TNR: variants seen among roughly 807,000 people sequenced by gnomAD.
TNR encodes tenascin R.
TNR carries 45 observed loss-of-function variants against 150.4 expected under a neutral mutation model. The ratio of observed to expected loss-of-function variants is 0.30; its 90% CI spans 0.24 to 0.38. The LOEUF (loss-of-function observed/expected upper bound fraction) is 0.38. Ranked by LOEUF, TNR falls within the 10% of genes least tolerant of loss-of-function variation. TNR has a pLI of 1.00. For missense variants in TNR, 1,544 were observed against 1,759.1 expected (o/e 0.88, Z 2.19); for synonymous variants, 687 against 678.4 (o/e 1.01, Z -0.20).
At chr1:175,444,455 C>A (rs1017795244) in intron 2 of TNR, among the ~76,000 whole-genome samples, 3 of 152,292 alleles carry the variant, frequency 2.0e-5, no homozygotes, top group Non-Finnish European at 4.4e-5. Context: ...GCTGGCCCAC[C>A]ACTGGGTTCC....
At chr1:175,679,179 T>C (rs1187374774) in intron 1 of TNR, among the ~76,000 whole-genome samples, 1 of 152,240 alleles carries the variant, frequency 6.6e-6, no homozygotes, top group Non-Finnish European at 1.5e-5. Flanking sequence ...CTTTTTGCAA[T>C]CTTGCTTGGA....
intron 1 of TNR, among the ~76,000 whole-genome samples, chr1:175,629,483 A>C (rs2101871914): frequency 6.6e-6 from 1 of 152,152 alleles, no homozygotes; most frequent in East Asian, 1.9e-4. Context: ...TGCTGAGAAC[A>C]ATTTTTTTTT....
intron 2 of TNR, among the ~76,000 whole-genome samples, chr1:175,469,309 T>C (rs1319265860): frequency 6.6e-6 from 1 of 152,156 alleles, no homozygotes; most frequent in Non-Finnish European, 1.5e-5. Flanking sequence ...TGGGAAATTA[T>C]AACACAGGCT....
At chr1:175,437,102 T>A (rs1484081946) in intron 2 of TNR, among the ~76,000 whole-genome samples, 2 of 152,090 alleles carry the variant, frequency 1.3e-5, no homozygotes, top group East Asian at 3.8e-4. Flanking sequence ...CCACACCAAT[T>A]CCAAAACTGA....
At chr1:175,335,221 T>A (rs77817215) in intron 20 of TNR, 2,264 of 152,956 alleles carry the variant, frequency 0.015, 67 homozygotes, top group African/African-American at 0.052. Context: ...TTCCTGCCGG[T>A]GTCAGACTTC....
rs993540257 is a variant in TNR, at chr1:175,319,136, C to T, written c.*4221G>A. The T allele has an allele frequency of 1.3e-5, 2 of 152,164 alleles. No homozygotes were observed. Among genetic ancestry groups the T allele is most frequent in the South Asian group, 2.1e-4 (1 of 4,824 alleles). 9.4% of individuals were successfully genotyped at this position (152,164 alleles called of 1,614,324 possible). ...AGCAAGCAGTAGAATACCATATATC[C>T]TGGGCATGTGGCCCCACCTTTCCTG... is the stretch of plus-strand genomic sequence containing the variant. On this transcript the variant is annotated 3_prime_UTR_variant, in exon 23 of 23. Coordinates refer to ENST00000367674, the MANE Select transcript of TNR (RefSeq NM_003285.3).
intron 1 of TNR, among the ~76,000 whole-genome samples, chr1:175,575,730 TG>T (rs1341946033): frequency 6.6e-6 from 1 of 151,852 alleles, no homozygotes; most frequent in African/African-American, 2.4e-5. Flanking sequence ...GCATTCCAGG[TG>T]GGAGAGAGCC....
chr1:175,430,872 G>A (rs1292550644), intron 2 of TNR, among the ~76,000 whole-genome samples: 2 of 152,168 alleles, frequency 1.3e-5, no homozygotes, highest in Non-Finnish European at 2.9e-5. Context: ...GCAATAATGG[G>A]TTGTTTTATA....
At chr1:175,352,933 C>T (rs1651125272) in intron 18 of TNR, among the ~76,000 whole-genome samples, 1 of 152,148 alleles carries the variant, frequency 6.6e-6, no homozygotes, top group Non-Finnish European at 1.5e-5. Context: ...GACTTTCTCT[C>T]ACCTCTCTGG....
At chr1:175,467,938 T>A (rs886533789) in intron 2 of TNR, among the ~76,000 whole-genome samples, 19 of 152,334 alleles carry the variant, frequency 1.2e-4, no homozygotes, top group Admixed American at 9.8e-4. Flanking sequence ...TGCTTGCCTT[T>A]AAAGTACTAA....
At chr1:175,342,073 G>C (rs1571315735) in intron 18 of TNR, among the ~76,000 whole-genome samples, 1 of 152,196 alleles carries the variant, frequency 6.6e-6, no homozygotes. Flanking sequence ...TGTCTGTTGG[G>C]TTCTAAATAC....
At chr1:175,369,114 T>C (rs1651974784) in intron 9 of TNR, among the ~76,000 whole-genome samples, 2 of 152,220 alleles carry the variant, frequency 1.3e-5, no homozygotes. Context: ...ATTCTGTATT[T>C]ATATAACATC....
chr1:175,394,128 A>T (rs542518218), intron 5 of TNR, among the ~76,000 whole-genome samples: 9 of 152,378 alleles, frequency 5.9e-5, no homozygotes, highest in African/African-American at 2.2e-4. Context: ...CACAATCTAT[A>T]TAAACAATTT....
chr1:175,733,632 G>A (rs1346406484), intron 1 of TNR, among the ~76,000 whole-genome samples: 1 of 152,184 alleles, frequency 6.6e-6, no homozygotes, highest in Non-Finnish European at 1.5e-5. Flanking sequence ...CAGGCACAGT[G>A]CCTCAGACCA....
chr1:175,445,197 G>A (rs1341098666), intron 2 of TNR, among the ~76,000 whole-genome samples: 1 of 152,196 alleles, frequency 6.6e-6, no homozygotes, highest in Non-Finnish European at 1.5e-5. Context: ...GTGAACCTGG[G>A]AGGCGGAGGT....
chr1:175,646,227 G>T (rs1664805955), intron 1 of TNR, among the ~76,000 whole-genome samples: 1 of 152,178 alleles, frequency 6.6e-6, no homozygotes, highest in South Asian at 2.1e-4. Flanking sequence ...ATCTGACTCA[G>T]GTAGTCACTC....
chr1:175,394,136 T>C (rs562407088), intron 5 of TNR, among the ~76,000 whole-genome samples: 1 of 152,348 alleles, frequency 6.6e-6, no homozygotes, highest in Non-Finnish European at 1.5e-5. Flanking sequence ...ATATAAACAA[T>C]TTTTAATGCT....
chr1:175,367,361 T>A, intron 9 of TNR, 64 bp from the exon 10 acceptor site: 1 of 1,409,676 alleles, frequency 7.1e-7, no homozygotes, highest in Non-Finnish European at 1.0e-6. Flanking sequence ...AGGCTGAAAG[T>A]GGGAAGAAAA....
intron 2 of TNR, among the ~76,000 whole-genome samples, chr1:175,494,652 T>C (rs1419741129): frequency 6.6e-6 from 1 of 152,168 alleles, no homozygotes; most frequent in East Asian, 1.9e-4. Flanking sequence ...TGTCTGGCTA[T>C]GTGCAGAGCG....
Sources: allele counts gnomAD v4.1 joint callset (sites outside exome capture counted in the v4.1 genomes callset), GRCh38; gene constraint gnomAD v4.1.1; transcripts MANE v1.5; gene names NCBI Gene and HGNC (gene_info 2026-07-23, HGNC 2026-07-21).